WWOX: variants seen among roughly 807,000 people sequenced by gnomAD.
WWOX encodes the protein WW domain-containing oxidoreductase.
In WWOX, 69 loss-of-function variants were observed where a neutral mutation model predicts 46.2. The observed-to-expected ratio is 1.49, with a 90% confidence interval of 1.23 to 1.82. The LOEUF is 1.82. Ranked by LOEUF, WWOX falls within the 40% of genes most tolerant of loss-of-function variation. WWOX has a pLI of 0.00. For missense variants in WWOX, 919 were observed against 542.6 expected (o/e 1.69, Z -6.89); for synonymous variants, 359 against 202.6 (o/e 1.77, Z -6.56).
intron 8 of WWOX, among the ~76,000 whole-genome samples, chr16:79,151,155 T>A (rs2050270859): frequency 6.6e-6 from 1 of 152,212 alleles, no homozygotes; most frequent in East Asian, 1.9e-4. Context: ...CCCTCCTGCT[T>A]TCCATATGTT....
intron 8 of WWOX, among the ~76,000 whole-genome samples, chr16:79,069,107 C>T (rs1266799919): frequency 6.6e-6 from 1 of 152,130 alleles, no homozygotes. Flanking sequence ...TGCCGGAACT[C>T]CCCACGTGTG....
chr16:78,745,003 C>T lies in WWOX; in HGVS notation c.1056+312251C>T, dbSNP rs139640446. ...TGACTCCTGGCTTCCCCAGTCCCTG[C>T]TTCCCAGCACATACCATTTATTCAG... On this transcript the variant is annotated intron_variant, in intron 8 of 8. Transcript: ENST00000566780. 1.8e-3 allele frequency among the ~76,000 whole-genome samples: 277 copies of T among 152,308 alleles called. 1 individual carries two copies. Among genetic ancestry groups the T allele is most frequent in the African/African-American group, 6.1e-3 (255 of 41,574 alleles).
intron 8 of WWOX, among the ~76,000 whole-genome samples, chr16:78,488,131 T>G (rs941831481): frequency 3.3e-5 from 5 of 152,156 alleles, no homozygotes; most frequent in African/African-American, 9.7e-5. Flanking sequence ...AATGTAGATT[T>G]TGGAGGACTT....
chr16:78,897,378 C>G (rs773322232), intron 8 of WWOX: 3 of 150,706 alleles, frequency 2.0e-5, no homozygotes, highest in African/African-American at 7.3e-5. Context: ...ATCATTGTAA[C>G]TTTGTTTTAC....
chr16:78,356,809 G>C (rs1217259494), intron 5 of WWOX, among the ~76,000 whole-genome samples: 1 of 152,154 alleles, frequency 6.6e-6, no homozygotes, highest in Non-Finnish European at 1.5e-5. Context: ...TTGAACCTGG[G>C]AGGTGGAGGT....
intron 8 of WWOX, among the ~76,000 whole-genome samples, chr16:78,544,246 A>C (rs2043968079): frequency 6.6e-6 from 1 of 152,236 alleles, no homozygotes; most frequent in South Asian, 2.1e-4. Context: ...CTATAATTGT[A>C]AAACAGTAGA....
Position 79,211,611 on chromosome 16 carries a change from C to T in WWOX, c.1060C>T (p.Gln354Ter), listed in dbSNP as rs775122564. Residue 354 changes from glutamine to a stop codon, truncating the protein, a stop_gained, in exon 9 of 9, where the codon CAG becomes TAG. Transcript: ENST00000566780. LOFTEE classifies it high-confidence loss of function. ...LARPFTKSMQ[Q>*]GAATTVYCAA... is the part of the protein sequence containing the mutation. ...GTCTTTCTTCTTGGATTTCCAGCAA[C>T]AGGGAGCTGCCACCACCGTGTACTG... 5.0e-6 allele frequency: 8 copies of T among 1,614,184 alleles called. No individual in the cohort carries two copies. In the East Asian group the frequency reaches 1.3e-4, roughly 27 times the overall value.
chr16:79,161,176 C>G (rs1282378538), intron 8 of WWOX, among the ~76,000 whole-genome samples: 1 of 152,164 alleles, frequency 6.6e-6, no homozygotes, highest in Non-Finnish European at 1.5e-5. Context: ...AAGGCAAAGA[C>G]AAGTACCAAT....
At chr16:78,665,126 G>T (rs150425831) in intron 8 of WWOX, among the ~76,000 whole-genome samples, 1 of 152,158 alleles carries the variant, frequency 6.6e-6, no homozygotes. Context: ...AGCAGAGCCC[G>T]GGGCTTTGTG....
intron 8 of WWOX, among the ~76,000 whole-genome samples, chr16:78,701,269 G>T (rs559049031): frequency 1.4e-4 from 21 of 152,204 alleles, no homozygotes; most frequent in Non-Finnish European, 2.5e-4. Context: ...TTAAGACAGG[G>T]TCTTGTTATG....
intron 4 of WWOX, among the ~76,000 whole-genome samples, chr16:78,155,948 T>C (rs771606881): frequency 1.3e-5 from 2 of 152,248 alleles, no homozygotes; most frequent in African/African-American, 2.4e-5. Context: ...AAAAGTGTTA[T>C]TGTCCTTCCT....
rs76953794 is a variant in WWOX, at chr16:78,983,664, G to A, written c.1057-227944G>A. Among the ~76,000 whole-genome samples, 1,144 of 152,218 alleles carry A rather than the reference G, an allele frequency of 7.5e-3. 22 individuals carry two copies. Among genetic ancestry groups the A allele is most frequent in the African/African-American group, 0.026 (1,087 of 41,528 alleles). ...TGACTTCCAGCCAATGGAATCGGCTGCAGGATGAAACTAGTCTTGATCCCT... is the reference window on the plus strand; with the variant it reads ...TGACTTCCAGCCAATGGAATCGGCTACAGGATGAAACTAGTCTTGATCCCT... On this transcript the variant is annotated intron_variant, in intron 8 of 8. Coordinates refer to ENST00000566780, the MANE Select transcript of WWOX (RefSeq NM_016373.4).
At chr16:79,083,133 C>G (rs549933966) in intron 8 of WWOX, among the ~76,000 whole-genome samples, 1 of 152,206 alleles carries the variant, frequency 6.6e-6, no homozygotes, top group South Asian at 2.1e-4. Flanking sequence ...TAGTTGGGAG[C>G]CCAGTGTGAG....
chr16:79,103,130 G>C (rs962678066), intron 8 of WWOX, among the ~76,000 whole-genome samples: 1 of 152,144 alleles, frequency 6.6e-6, no homozygotes, highest in Non-Finnish European at 1.5e-5. Flanking sequence ...CATATTTGTT[G>C]ATCTCTGCTG....
intron 5 of WWOX, among the ~76,000 whole-genome samples, chr16:78,334,710 A>G: frequency 6.6e-6 from 1 of 151,920 alleles, no homozygotes; most frequent in East Asian, 1.9e-4. Context: ...TTAAATAGCT[A>G]ACTAAACAAA....
At chr16:78,466,148 CA>C (rs2084071958) in intron 8 of WWOX, among the ~76,000 whole-genome samples, 1 of 152,052 alleles carries the variant, frequency 6.6e-6, no homozygotes, top group South Asian at 2.1e-4. Context: ...TCTCCTGCCT[CA>C]GCCTTCCTAG....
intron 8 of WWOX, among the ~76,000 whole-genome samples, chr16:78,822,510 C>G (rs776901910): frequency 7.2e-5 from 11 of 151,936 alleles, no homozygotes; most frequent in Non-Finnish European, 1.6e-4. Flanking sequence ...AAAACAAAAA[C>G]AAAAACAAAC....
chr16:78,829,893 G>A (rs563763668), intron 8 of WWOX, among the ~76,000 whole-genome samples: 12 of 152,142 alleles, frequency 7.9e-5, no homozygotes, highest in Non-Finnish European at 1.2e-4. Context: ...GAGCAACCCC[G>A]CCTCTTCTAA....
rs554463449 is a variant in WWOX, at chr16:79,132,066, A to G, written c.1057-79542A>G. Among the ~76,000 whole-genome samples the G allele has an allele frequency of 2.6e-5, 4 of 151,976 alleles. No individual in the cohort carries two copies. In the South Asian group the frequency reaches 6.2e-4, roughly 24 times the overall value. On this transcript the variant is annotated intron_variant, in intron 8 of 8. Coordinates refer to ENST00000566780, the MANE Select transcript of WWOX (RefSeq NM_016373.4). The stretch of plus-strand genomic sequence containing the variant: ...ACATGGGAATTATGGGAGATACAAG[A>G]TGAGATTTGGGTGGGGACACAGAGT...
Sources: allele counts gnomAD v4.1 joint callset (sites outside exome capture counted in the v4.1 genomes callset), GRCh38; gene constraint gnomAD v4.1.1; transcripts MANE v1.5; gene names NCBI Gene and HGNC (gene_info 2026-07-23, HGNC 2026-07-21).